KCNAB1: variants seen among roughly 807,000 people sequenced by gnomAD.
KCNAB1 encodes voltage-gated potassium channel subunit beta-1.
In KCNAB1, 35 loss-of-function variants were observed where a neutral mutation model predicts 64.6. The observed-to-expected ratio is 0.54, with a 90% CI of 0.41 to 0.72. The LOEUF (loss-of-function observed/expected upper bound fraction) is 0.72, where lower values mean the gene tolerates loss of function less well. Ranked by LOEUF, KCNAB1 falls within the 30% of genes least tolerant of loss-of-function variation. The pLI, the probability that KCNAB1 is intolerant of heterozygous loss-of-function variation, is 0.00. For missense variants in KCNAB1, 401 were observed against 512.9 expected (o/e 0.78, Z 2.11); for synonymous variants, 177 against 183.8 (o/e 0.96, Z 0.30).
chr3:156,180,197 C>G (rs1041445012), intron 1 of KCNAB1, among the ~76,000 whole-genome samples: 5 of 152,218 alleles, frequency 3.3e-5, no homozygotes, highest in Admixed American at 6.5e-5. Flanking sequence ...TCATGCCAAT[C>G]CTATAAAGTA....
At chr3:156,286,197 C>T (rs952063124) in intron 1 of KCNAB1, among the ~76,000 whole-genome samples, 2 of 152,162 alleles carry the variant, frequency 1.3e-5, no homozygotes, top group South Asian at 4.1e-4. Flanking sequence ...AAATGCTGTG[C>T]TCATGCAAAT....
At chr3:156,435,006 G>A (rs1311251481) in intron 2 of KCNAB1, among the ~76,000 whole-genome samples, 1 of 152,186 alleles carries the variant, frequency 6.6e-6, no homozygotes, top group East Asian at 1.9e-4. Flanking sequence ...AGGTGATAAA[G>A]GACATATAAT....
chr3:156,179,098 C>G (rs1455289353), intron 1 of KCNAB1, among the ~76,000 whole-genome samples: 2 of 151,214 alleles, frequency 1.3e-5, no homozygotes, highest in East Asian at 3.9e-4. Context: ...TTGAGAATCA[C>G]CAATATAATA....
chr3:156,398,363 C>A (rs1338924295), intron 1 of KCNAB1, among the ~76,000 whole-genome samples: 1 of 152,076 alleles, frequency 6.6e-6, no homozygotes, highest in Non-Finnish European at 1.5e-5. Context: ...GAGGCCGAGG[C>A]GGGTGGATCA....
downstream of KCNAB1, chr3:156,538,823 A>G (rs1438145842): frequency 6.6e-6 from 1 of 152,264 alleles, no homozygotes; most frequent in Non-Finnish European, 1.5e-5. Context: ...TCATCAATCA[A>G]TCAATGGAGA....
intron 1 of KCNAB1, among the ~76,000 whole-genome samples, chr3:156,370,603 A>C (rs1044550488): frequency 6.6e-6 from 1 of 152,244 alleles, no homozygotes; most frequent in African/African-American, 2.4e-5. Context: ...GAATCAGGTC[A>C]CTGGAAAGGG....
Position 156,258,149 on chromosome 3 carries a change from C to A in KCNAB1, c.275+137263C>A, listed in dbSNP as rs183428004. 1.4e-4 allele frequency among the ~76,000 whole-genome samples: 22 copies of A among 152,272 alleles called. 1 individual carries two copies. Among genetic ancestry groups the A allele is most frequent in the Non-Finnish European group, 1.0e-4 (7 of 68,026 alleles). ...ACTGGTTAGAGTCACATGACCAACC[C>A]TGAGCTAATCACTGTGACTTGGGAA... On this transcript the variant is annotated intron_variant, in intron 1 of 13. Transcript: ENST00000490337.
At chr3:156,297,141 ACATC>A (rs985090303) in intron 1 of KCNAB1, among the ~76,000 whole-genome samples, 13 of 152,136 alleles carry the variant, frequency 8.5e-5, no homozygotes, top group African/African-American at 3.1e-4. Context: ...ATTTCTGTCC[ACATC>A]CACTCCCCCT....
intron 4 of KCNAB1, among the ~76,000 whole-genome samples, chr3:156,459,299 T>G (rs1300626016): frequency 6.6e-6 from 1 of 152,156 alleles, no homozygotes; most frequent in Non-Finnish European, 1.5e-5. Flanking sequence ...TCTGTTTTGC[T>G]CCTATGACAA....
In KCNAB1 at chr3:156,193,893, C is replaced by T. The variant is rs181226040; in HGVS notation, c.275+73007C>T. On this transcript the variant is annotated intron_variant, in intron 1 of 13. Transcript: ENST00000490337. ...CATTTTCAACCTATGATATTTTTAA[C>T]TTACAGTGGATTTATTGGGACGTAA... is the stretch of plus-strand genomic sequence containing the variant. Among the ~76,000 whole-genome samples the T allele has an allele frequency of 2.6e-3, 394 of 152,246 alleles. 3 individuals are homozygous for T. Among genetic ancestry groups the T allele is most frequent in the African/African-American group, 8.7e-3 (362 of 41,554 alleles).
At chr3:156,514,572 G>C (rs1576962689) in intron 9 of KCNAB1, 123 bp downstream of exon 9, 1 of 684,670 alleles carries the variant, frequency 1.5e-6, no homozygotes, top group South Asian at 1.7e-5. Context: ...TGGAATTCTA[G>C]AATCAATTCC....
chr3:156,223,025 TG>T (rs1283419272), intron 1 of KCNAB1, among the ~76,000 whole-genome samples: 7 of 152,218 alleles, frequency 4.6e-5, no homozygotes, highest in African/African-American at 1.2e-4. Flanking sequence ...GGTGGGTTCT[TG>T]GTCTCACTGA....
Position 156,537,475 on chromosome 3 carries a change from T to C in KCNAB1, c.*728T>C, listed in dbSNP as rs866791807. On this transcript the variant is annotated 3_prime_UTR_variant, in exon 14 of 14. Transcript: ENST00000490337. ...TCCAGAATGTCTATTAGGATTCTAATGTTATGTCCACTTACAAGTAGAGAC... is the reference window on the plus strand; with the variant it reads ...TCCAGAATGTCTATTAGGATTCTAACGTTATGTCCACTTACAAGTAGAGAC... The C allele has an allele frequency of 1.3e-5, 2 of 155,566 alleles. No homozygotes were observed. The highest frequency in any genetic ancestry group is 4.8e-5 in the African/African-American group (2 of 41,582). 9.6% of individuals were successfully genotyped at this position (155,566 alleles called of 1,614,324 possible). A position where few individuals can be genotyped will look rare whatever the true frequency, so the allele number is the denominator to read the frequency against.
chr3:156,321,123 A>T (rs1470678272), intron 1 of KCNAB1, among the ~76,000 whole-genome samples: 1 of 151,858 alleles, frequency 6.6e-6, no homozygotes, highest in East Asian at 1.9e-4. Flanking sequence ...CTTTTCCCAG[A>T]CCCCTGTCTG....
At chr3:156,249,020 C>G (rs1322599427) in intron 1 of KCNAB1, among the ~76,000 whole-genome samples, 1 of 127,562 alleles carries the variant, frequency 7.8e-6, no homozygotes, top group Non-Finnish European at 1.7e-5. Flanking sequence ...CGATAGAAAT[C>G]TGGTTGTGTT....
intron 1 of KCNAB1, among the ~76,000 whole-genome samples, chr3:156,220,739 T>C (rs552326040): frequency 1.3e-5 from 2 of 152,380 alleles, no homozygotes; most frequent in Non-Finnish European, 2.9e-5. Context: ...CATTTGTCTA[T>C]TTTGGCTTTT....
chr3:156,398,642 A>G (rs1226348027), intron 1 of KCNAB1, among the ~76,000 whole-genome samples: 1 of 151,506 alleles, frequency 6.6e-6, no homozygotes, highest in Non-Finnish European at 1.5e-5. Flanking sequence ...GCAGCAAACC[A>G]CCATCAATGT....
intron 1 of KCNAB1, among the ~76,000 whole-genome samples, chr3:156,295,414 A>G (rs1328679932): frequency 6.6e-6 from 1 of 152,216 alleles, no homozygotes; most frequent in Non-Finnish European, 1.5e-5. Flanking sequence ...GCCTATGTTT[A>G]CCACCCATTA....
intron 1 of KCNAB1, among the ~76,000 whole-genome samples, chr3:156,223,399 C>T (rs1024252774): frequency 3.3e-5 from 5 of 152,172 alleles, no homozygotes; most frequent in Non-Finnish European, 5.9e-5. Flanking sequence ...TACAGAGAGC[C>T]GATTAGTCTG....
Sources: gnomAD v4.1 joint callset for allele counts (sites outside exome capture counted in the v4.1 genomes callset) on GRCh38, gnomAD v4.1.1 for gene constraint, MANE v1.5 for transcripts, NCBI Gene and HGNC (gene_info 2026-07-23, HGNC 2026-07-21) for gene names.